Variants in GML observed in about 807,000 individuals in gnomAD.
The protein encoded by GML is glycosyl-phosphatidylinositol-anchored molecule-like protein.
GML carries 5 observed loss-of-function variants against 8.2 expected under a neutral mutation model. The ratio of observed to expected loss-of-function variants is 0.61; its 90% CI spans 0.32 to 1.28. The LOEUF (loss-of-function observed/expected upper bound fraction) is 1.28. Among genes scored for constraint, GML ranks in the 50% most tolerant of loss-of-function variants. The pLI, the probability that GML is intolerant of heterozygous loss-of-function variation, is 0.06. For missense variants in GML, 191 were observed against 198.3 expected, an observed-to-expected ratio of 0.96 and a Z score of 0.22; for synonymous variants, 72 against 69.0, an observed-to-expected ratio of 1.04 and a Z score of -0.22.
At position 142,846,429 on chromosome 8, in the gene GML, C is replaced by T. The variant is rs1310293411; in HGVS notation, c.216C>T (p.Asn72=). Residue 72 remains asparagine (N), a synonymous_variant, in exon 4 of 4, where the codon AAC becomes AAT. Transcript: ENST00000220940. ...CTCGTGAACTACTTGTTTATAAGAA[C>T]TGTACAAACAACTGCACATTTGTAT... ...INSRELLVYK[N]CTNNCTFVYA... is the part of the protein sequence containing the mutation. The T allele has an allele frequency of 6.2e-7, 1 of 1,610,052 alleles. No homozygotes were observed. Among genetic ancestry groups the T allele is most frequent in the African/African-American group, 1.3e-5 (1 of 74,776 alleles).
Position 142,846,729 on chromosome 8 carries a change from C to T in GML, c.*39C>T. The T allele has an allele frequency of 6.8e-7, 1 of 1,459,932 alleles. No individual in the cohort carries two copies. Among genetic ancestry groups the T allele is most frequent in the Non-Finnish European group, 9.5e-7 (1 of 1,050,312 alleles). 90.4% of individuals were successfully genotyped at this position (1,459,932 alleles called of 1,614,324 possible). On this transcript the variant is annotated 3_prime_UTR_variant, in exon 4 of 4. Transcript: ENST00000220940. ...GAGGGTCTGACCATCTTCACCTGTT[C>T]CGCAGAGAAATGTTGCTCTCCATTA...
intron 3 of GML, among the ~76,000 whole-genome samples, chr8:142,844,275 C>T (rs184014114): frequency 2.6e-5 from 4 of 152,312 alleles, no homozygotes; most frequent in African/African-American, 7.2e-5. Flanking sequence ...TATTTATACA[C>T]AATATCTGCA....
At position 142,841,076 on chromosome 8, in the gene GML, G is replaced by A. The variant is rs375776169; in HGVS notation, c.74-42G>A. 36 of 935,336 alleles carry A rather than the reference G, an allele frequency of 3.8e-5. 1 individual carries two copies. The Middle Eastern group carries it at 6.8e-4, about 18-fold the overall frequency. The allele number at this position is 935,336 out of a possible 1,614,324, so 57.9% of individuals were successfully genotyped here. ...TGAGCTGGTAATGGGTGGAAAAGGCGTAGTGGAGCAGAAGCCTGAAGCCTG... is the reference window on the plus strand; with the variant it reads ...TGAGCTGGTAATGGGTGGAAAAGGCATAGTGGAGCAGAAGCCTGAAGCCTG... On this transcript the variant is annotated intron_variant, in intron 2 of 3. Transcript: ENST00000220940.
intron 1 of GML, among the ~76,000 whole-genome samples, chr8:142,839,573 G>A (rs1480579210): frequency 6.6e-6 from 1 of 152,226 alleles, no homozygotes; most frequent in African/African-American, 2.4e-5. Flanking sequence ...ATCAGCAGCT[G>A]GGCCCAGGGA....
In GML at chr8:142,837,299, C is replaced by CAAAAGAAAAAA. The variant is rs772782737; in HGVS notation, c.-23+2435_-23+2436insGAAAAAAAAAA. On this transcript the variant is annotated intron_variant, in intron 1 of 3. Coordinates refer to ENST00000220940, the MANE Select transcript of GML (RefSeq NM_002066.3). ...TGCAGGACAGAGCGAGACTCTGTTT[C>CAAAAGAAAAAA]AAAAAAAGAAACTATGTCTCTTTTT... 6.3e-4 allele frequency among the ~76,000 whole-genome samples: 93 copies of CAAAAGAAAAAA among 148,446 alleles called. 1 individual carries two copies. Among genetic ancestry groups the CAAAAGAAAAAA allele is most frequent in the Admixed American group, 1.1e-3 (16 of 14,876 alleles).
In GML at chr8:142,841,461, G is replaced by A. The variant is rs146142691; in HGVS notation, c.181+236G>A. Among the ~76,000 whole-genome samples the A allele has an allele frequency of 3.8e-3, 585 of 152,306 alleles. 3 individuals are homozygous for A. Among genetic ancestry groups the A allele is most frequent in the Middle Eastern group, 0.031 (9 of 294 alleles). On this transcript the variant is annotated intron_variant, in intron 3 of 3. Coordinates refer to ENST00000220940, the MANE Select transcript of GML (RefSeq NM_002066.3). ...AGTAGTACAATCTGTCCACACATCT[G>A]CAGCGTCTCCAGGGGGTAGGAGCAT...
intron 3 of GML, among the ~76,000 whole-genome samples, chr8:142,841,546 G>A (rs1329780251): frequency 6.6e-6 from 1 of 152,168 alleles, no homozygotes; most frequent in African/African-American, 2.4e-5. Context: ...CATGCTGCCT[G>A]GGTGAGTCCT....
In GML at chr8:142,846,487, A is replaced by T; in HGVS notation, c.274A>T (p.Lys92Ter). 2 of 1,613,780 alleles carry T rather than the reference A, an allele frequency of 1.2e-6. No individual in the cohort carries two copies. Among genetic ancestry groups the T allele is most frequent in the Non-Finnish European group, 1.7e-6 (2 of 1,179,630 alleles). The stretch of plus-strand genomic sequence containing the variant: ...TGAACAGCCTCCTGAAGCCCCAGGA[A>T]AAATCTTCAAAACTAATAGCTTCTA... ...AAEQPPEAPG[K>*]IFKTNSFYWV... is the part of the protein sequence containing the mutation. Residue 92 changes from lysine (K) to a stop codon, truncating the protein, a stop_gained, in exon 4 of 4, where the codon AAA (lysine) becomes TAA (stop). Transcript: ENST00000220940. LOFTEE classifies it low-confidence loss of function (END_TRUNC).
intron 3 of GML, among the ~76,000 whole-genome samples, chr8:142,843,054 G>T (rs1359812765): frequency 1.3e-5 from 2 of 152,176 alleles, no homozygotes; most frequent in Non-Finnish European, 2.9e-5. Flanking sequence ...AATTGGGAAT[G>T]CTGGAATGCT....
intron 1 of GML, among the ~76,000 whole-genome samples, chr8:142,840,178 C>T (rs1018877971): frequency 6.6e-6 from 1 of 152,242 alleles, no homozygotes; most frequent in African/African-American, 2.4e-5. Flanking sequence ...CAGGACCTCC[C>T]TGGCTCAAGG....
At chr8:142,835,357 C>G (rs1480305116) in intron 1 of GML, among the ~76,000 whole-genome samples, 1 of 152,178 alleles carries the variant, frequency 6.6e-6, no homozygotes, top group Non-Finnish European at 1.5e-5. Context: ...GAGTCCCCTT[C>G]CCTCGGGGTG....
chr8:142,844,222 G>A (rs1291056753), intron 3 of GML, among the ~76,000 whole-genome samples: 1 of 152,196 alleles, frequency 6.6e-6, no homozygotes, highest in Non-Finnish European at 1.5e-5. Context: ...AGTGCAGTAG[G>A]TAAAGACACT....
Position 142,846,460 on chromosome 8 carries a change from G to A in GML, c.247G>A (p.Ala83Thr), listed in dbSNP as rs1428578188. The A allele has an allele frequency of 1.2e-6, 2 of 1,612,694 alleles. No individual in the cohort carries two copies. The highest frequency in any genetic ancestry group is 1.7e-6 in the Non-Finnish European group (2 of 1,178,784). Residue 83 changes from alanine (A) to threonine (T), a missense_variant, in exon 4 of 4, where the codon GCT becomes ACT. Coordinates refer to ENST00000220940, the MANE Select transcript of GML (RefSeq NM_002066.3). ...CTNNCTFVYA[A>T]EQPPEAPGKI... ...AAACAACTGCACATTTGTATATGCA[G>A]CTGAACAGCCTCCTGAAGCCCCAGG...
At chr8:142,843,255 T>TACACACACAC (rs55778635) in intron 3 of GML, among the ~76,000 whole-genome samples, 14,754 of 139,838 alleles carry the variant, frequency 0.11, 881 homozygotes, top group East Asian at 0.18. Flanking sequence ...AAAAGGTTCA[T>TACACACACAC]ACACACACAC....
At chr8:142,846,131 T>A (rs1816501108) in intron 3 of GML, among the ~76,000 whole-genome samples, 1 of 152,208 alleles carries the variant, frequency 6.6e-6, no homozygotes, top group Non-Finnish European at 1.5e-5. Context: ...GGTACCATGA[T>A]ACCATTTTGG....
chr8:142,839,005 G>A (rs1816385447), intron 1 of GML, among the ~76,000 whole-genome samples: 1 of 152,228 alleles, frequency 6.6e-6, no homozygotes, highest in Non-Finnish European at 1.5e-5. Flanking sequence ...CAGTAGAAGG[G>A]TGTTCAGAAT....
At chr8:142,838,261 T>C (rs1158811429) in intron 1 of GML, among the ~76,000 whole-genome samples, 4 of 152,170 alleles carry the variant, frequency 2.6e-5, no homozygotes, top group Non-Finnish European at 5.9e-5. Flanking sequence ...GCTGTATGTT[T>C]ACATTTGCCT....
At chr8:142,839,072 G>C (rs1474482001) in intron 1 of GML, among the ~76,000 whole-genome samples, 1 of 152,198 alleles carries the variant, frequency 6.6e-6, no homozygotes, top group Non-Finnish European at 1.5e-5. Context: ...TGGGTCAGTA[G>C]GTGCCCTTGA....
intron 3 of GML, among the ~76,000 whole-genome samples, chr8:142,843,025 A>T (rs1206999531): frequency 6.6e-6 from 1 of 152,134 alleles, no homozygotes; most frequent in Non-Finnish European, 1.5e-5. Context: ...ATGAACCCTG[A>T]TGGATATTAG....
Sources: allele counts gnomAD v4.1 joint callset (sites outside exome capture counted in the v4.1 genomes callset), GRCh38; gene constraint gnomAD v4.1.1; transcripts MANE v1.5; gene names NCBI Gene and HGNC (gene_info 2026-07-23, HGNC 2026-07-21).